The following WNT9B variants were observed in gnomAD, a reference collection of about 807,000 sequenced individuals.
WNT9B encodes Wnt family member 9B.
WNT9B carries 12 observed loss-of-function variants against 30.2 expected under a neutral mutation model. The ratio of observed to expected loss-of-function variants is 0.40; its 90% confidence interval spans 0.26 to 0.64. The LOEUF (loss-of-function observed/expected upper bound fraction) is 0.64, where lower values mean the gene tolerates loss of function less well. WNT9B is among the 30% of genes least tolerant of loss of function. The pLI is 0.42. For missense variants in WNT9B, 442 were observed against 485.2 expected (o/e 0.91, Z 0.84); for synonymous variants, 218 against 216.9 (o/e 1.01, Z -0.05).
chr17:46,833,751 C>T (rs763280330), intron 1 of WNT9B, among the ~76,000 whole-genome samples: 10 of 152,138 alleles, frequency 6.6e-5, no homozygotes, highest in African/African-American at 4.8e-5. Context: ...CAGGCCTGCC[C>T]GGGGAAGAAG....
chr17:46,842,984 C>T (rs1463760929), intron 1 of WNT9B, among the ~76,000 whole-genome samples: 3 of 152,120 alleles, frequency 2.0e-5, no homozygotes, highest in Admixed American at 6.5e-5. Flanking sequence ...AAGTTAGGAC[C>T]CAGGGTTCTC....
intron 1 of WNT9B, among the ~76,000 whole-genome samples, chr17:46,855,220 C>G (rs932716747): frequency 1.3e-5 from 2 of 152,164 alleles, no homozygotes; most frequent in Non-Finnish European, 2.9e-5. Context: ...GCAGAGAGGC[C>G]GAAGGGGGTG....
intron 1 of WNT9B, 104 bp from the exon 2 acceptor site, chr17:46,872,413 C>G: frequency 1.4e-6 from 2 of 1,385,454 alleles, no homozygotes; most frequent in Non-Finnish European, 1.9e-6. Context: ...AGCCTGCTGC[C>G]CAGAAGGGCA....
In WNT9B at chr17:46,844,116, G is replaced by T. The variant is rs371957719; in HGVS notation, c.95+10676G>T. ...CTACAGGCATGTGCCACAATGCCTG[G>T]CTAATTTTTTTTTTCTTTTTTGTAT... On this transcript the variant is annotated intron_variant, in intron 1 of 2. Transcript: ENST00000575372. 2.6e-5 allele frequency among the ~76,000 whole-genome samples: 4 copies of T among 152,048 alleles called. No homozygotes were observed. The South Asian group carries it at 8.3e-4, about 32-fold the overall frequency.
In WNT9B at chr17:46,851,649, C is replaced by G; in HGVS notation, c.11C>G (p.Pro4Arg). Residue 4 changes from proline (P) to arginine (R), a missense_variant, in exon 1 of 4, where the codon CCG (proline) becomes CGG (arginine). Physicochemically the swap from Pro to Arg is moderately radical, Grantham distance 103. Transcript: ENST00000290015. This position sits in a 1 kb window ranked among gnomAD's most constrained non-coding sequence, Gnocchi z 4.3. ...AGCGCCGCCAGCACCATGCGCCCCC[C>G]GCCCGCGCTGGCCCTGGCCGGGCTC... is the stretch of plus-strand genomic sequence containing the variant. MRPPPALALAGLCL... is the reference protein window; with the variant it reads MRPRPALALAGLCL... 2 of 1,283,114 alleles carry G rather than the reference C, an allele frequency of 1.6e-6. No homozygotes were observed. Among genetic ancestry groups the G allele is most frequent in the African/African-American group, 1.6e-5 (1 of 64,302 alleles). 79.5% of individuals were successfully genotyped at this position (1,283,114 alleles called of 1,614,324 possible).
At chr17:46,869,536 C>T (rs2085202332) in intron 1 of WNT9B, among the ~76,000 whole-genome samples, 1 of 152,224 alleles carries the variant, frequency 6.6e-6, no homozygotes. Flanking sequence ...CCAACAAAAA[C>T]CAGATGCCTG....
upstream of WNT9B, among the ~76,000 whole-genome samples, chr17:46,849,658 C>T (rs907078821): frequency 6.6e-6 from 1 of 152,154 alleles, no homozygotes; most frequent in South Asian, 2.1e-4. Flanking sequence ...TGATCAGAAA[C>T]GATGCCACAT....
chr17:46,866,867 G>T (rs564283396), intron 1 of WNT9B, among the ~76,000 whole-genome samples: 33 of 152,150 alleles, frequency 2.2e-4, no homozygotes, highest in Non-Finnish European at 4.1e-4. Flanking sequence ...GGGAGTAGGT[G>T]GAAGAACAGG....
In WNT9B at chr17:46,879,171, A is replaced by G. The variant is rs1410381628; in HGVS notation, c.*2453A>G. Among the ~76,000 whole-genome samples the G allele has an allele frequency of 1.3e-5, 2 of 152,370 alleles. No individual in the cohort carries two copies. Among genetic ancestry groups the G allele is most frequent in the African/African-American group, 2.4e-5 (1 of 41,580 alleles). ...TATTTATATTATTTATATAGTTGCTATATTTCACAGACAGCACAGGTGGGG... is the reference window on the plus strand; with the variant it reads ...TATTTATATTATTTATATAGTTGCTGTATTTCACAGACAGCACAGGTGGGG... On this transcript the variant is annotated 3_prime_UTR_variant, in exon 4 of 4. Transcript: ENST00000290015.
chr17:46,876,848 G>T lies in WNT9B; in HGVS notation c.*130G>T. The T allele has an allele frequency of 7.0e-7, 1 of 1,425,294 alleles. No homozygotes were observed. The highest frequency in any genetic ancestry group is 1.6e-5 in the South Asian group (1 of 62,030). The allele number at this position is 1,425,294 out of a possible 1,614,324, so 88.3% of individuals were successfully genotyped here. A position where few individuals can be genotyped will look rare whatever the true frequency, so the allele number is the denominator to read the frequency against. On this transcript the variant is annotated 3_prime_UTR_variant, in exon 4 of 4. Transcript: ENST00000290015. Reference sequence around the variant, plus strand: ...AACCGGCATGTGTGCCAATGCACACGAGTGTGCCACTCACCACCATTCCTT... The same window carrying T: ...AACCGGCATGTGTGCCAATGCACACTAGTGTGCCACTCACCACCATTCCTT...
intron 1 of WNT9B, among the ~76,000 whole-genome samples, chr17:46,859,546 T>A (rs889515018): frequency 1.3e-5 from 2 of 152,114 alleles, no homozygotes; most frequent in Admixed American, 6.6e-5. Flanking sequence ...ACAGTAGCTT[T>A]AAAAAAAATT....
chr17:46,843,018 T>G (rs1251012258), intron 1 of WNT9B, among the ~76,000 whole-genome samples: 1 of 152,200 alleles, frequency 6.6e-6, no homozygotes, highest in Non-Finnish European at 1.5e-5. Context: ...AGGTAAATTA[T>G]CCTGTTGTTG....
At chr17:46,847,126 C>T (rs2084785112), upstream of WNT9B, among the ~76,000 whole-genome samples, 1 of 152,176 alleles carries the variant, frequency 6.6e-6, no homozygotes, top group Non-Finnish European at 1.5e-5. Context: ...ATTTCTTACC[C>T]CACACTCCCA....
intron 1 of WNT9B, among the ~76,000 whole-genome samples, chr17:46,843,941 T>G (rs187839754): frequency 2.7e-4 from 41 of 152,354 alleles, no homozygotes; most frequent in Admixed American, 2.4e-3. Flanking sequence ...ATATTATGTA[T>G]TCATACTTTA....
chr17:46,846,748 G>A (rs544921631), upstream of WNT9B, among the ~76,000 whole-genome samples: 153 of 152,340 alleles, frequency 1.0e-3, no homozygotes, highest in African/African-American at 1.8e-3. Context: ...GTCCCACACC[G>A]TCCTCACAAC....
chr17:46,840,781 T>C (rs1026069381), intron 1 of WNT9B, among the ~76,000 whole-genome samples: 1 of 152,258 alleles, frequency 6.6e-6, no homozygotes, highest in African/African-American at 2.4e-5. Context: ...CATGTGTCTG[T>C]TGGCTGCATA....
intron 1 of WNT9B, among the ~76,000 whole-genome samples, chr17:46,866,641 G>A (rs2085143550): frequency 6.6e-6 from 1 of 152,054 alleles, no homozygotes; most frequent in African/African-American, 2.4e-5. Context: ...AGCACCCCGG[G>A]CAGCACAAGG....
downstream of WNT9B, among the ~76,000 whole-genome samples, chr17:46,880,730 C>T (rs2085412140): frequency 6.6e-6 from 1 of 152,026 alleles, no homozygotes; most frequent in Admixed American, 6.5e-5. Flanking sequence ...GATTTTTTTC[C>T]TCTGTACACT....
chr17:46,851,222 G>C (rs1225784521), upstream of WNT9B, among the ~76,000 whole-genome samples: 8 of 152,070 alleles, frequency 5.3e-5, no homozygotes, highest in Admixed American at 4.6e-4. The surrounding 1 kb of genome is among the most constrained non-coding windows in gnomAD (Gnocchi z 4.3). Context: ...CTCTACCTCG[G>C]AGAAGCCATT....
Sources: gnomAD v4.1 joint callset for allele counts (sites outside exome capture counted in the v4.1 genomes callset) on GRCh38, gnomAD v4.1.1 for gene constraint, Gnocchi (gnomAD v3.1) non-coding constraint, MANE v1.5 for transcripts, NCBI Gene and HGNC (gene_info 2026-07-23, HGNC 2026-07-21) for gene names.